The following MYO1B variants were observed in gnomAD, a reference collection of about 807,000 sequenced individuals.
MYO1B encodes myosin IB, also known as unconventional myosin-Ib.
MYO1B carries 72 observed loss-of-function variants against 159.7 expected under a neutral mutation model. The observed-to-expected ratio is 0.45, with a 90% CI of 0.37 to 0.55. The LOEUF (loss-of-function observed/expected upper bound fraction) is 0.55, where lower values mean the gene tolerates loss of function less well. MYO1B is among the 20% of genes least tolerant of loss of function. The probability of loss-of-function intolerance (pLI) is 0.00; values close to 1 mark genes in which losing one functional copy is unlikely to be tolerated. For missense variants in MYO1B, 1,062 were observed against 1,364.8 expected (o/e 0.78, Z 3.50); for synonymous variants, 468 against 473.8 (o/e 0.99, Z 0.16).
At chr2:191,347,754 A>C (rs1692661035) in intron 6 of MYO1B, among the ~76,000 whole-genome samples, 1 of 152,224 alleles carries the variant, frequency 6.6e-6, no homozygotes, top group Non-Finnish European at 1.5e-5. Flanking sequence ...TGACTTGACT[A>C]GTAATATACC....
chr2:191,338,963 C>T (rs934072103), intron 4 of MYO1B, among the ~76,000 whole-genome samples: 13 of 152,180 alleles, frequency 8.5e-5, no homozygotes, highest in Middle Eastern at 3.4e-3. Flanking sequence ...CCTAGTATTA[C>T]GATGGATAGA....
intron 23 of MYO1B, chr2:191,402,335 CAGAG>C (rs914282691): frequency 2.1e-5 from 8 of 382,718 alleles, no homozygotes; most frequent in African/African-American, 6.4e-5. Flanking sequence ...AGGCAGCGAA[CAGAG>C]AGAGAGAACA....
chr2:191,365,440 T>C (rs769910955), intron 11 of MYO1B, among the ~76,000 whole-genome samples: 7 of 152,244 alleles, frequency 4.6e-5, no homozygotes, highest in Non-Finnish European at 7.3e-5. Context: ...TTATTTTGGC[T>C]GTGGCAAATA....
chr2:191,360,127 G>A (rs1693569017), intron 7 of MYO1B, among the ~76,000 whole-genome samples: 1 of 152,178 alleles, frequency 6.6e-6, no homozygotes, highest in African/African-American at 2.4e-5. Flanking sequence ...ACTGAGTTAT[G>A]TAAACTCCTG....
At chr2:191,281,475 T>C (rs1015742902) in intron 2 of MYO1B, among the ~76,000 whole-genome samples, 1 of 152,210 alleles carries the variant, frequency 6.6e-6, no homozygotes, top group African/African-American at 2.4e-5. Flanking sequence ...GGTCAATGGC[T>C]GGGAAATGCT....
chr2:191,327,364 C>G (rs1411438421), intron 3 of MYO1B, among the ~76,000 whole-genome samples: 3 of 152,154 alleles, frequency 2.0e-5, no homozygotes, highest in Admixed American at 6.5e-5. Flanking sequence ...AAGGTGTGTA[C>G]ATAACTAATT....
intron 3 of MYO1B, among the ~76,000 whole-genome samples, chr2:191,297,064 A>G (rs1240811862): frequency 6.6e-6 from 1 of 152,158 alleles, no homozygotes; most frequent in Admixed American, 6.5e-5. Flanking sequence ...TTCTCAAAAA[A>G]CTTTTTTATT....
At chr2:191,400,637 C>T (rs994587455) in intron 22 of MYO1B, 112 bp from the exon 23 acceptor site, 12 of 1,357,506 alleles carry the variant, frequency 8.8e-6, no homozygotes, top group Middle Eastern at 1.9e-4. Context: ...CATGCTTTTG[C>T]GTTTACCATT....
At chr2:191,308,353 CT>C (rs1559157282) in intron 3 of MYO1B, among the ~76,000 whole-genome samples, 1 of 152,190 alleles carries the variant, frequency 6.6e-6, no homozygotes, top group East Asian at 1.9e-4. Flanking sequence ...TCCTGAAATA[CT>C]CGAATCCTGG....
chr2:191,376,752 C>A (rs888718369), intron 13 of MYO1B, among the ~76,000 whole-genome samples: 3 of 152,162 alleles, frequency 2.0e-5, no homozygotes, highest in African/African-American at 7.2e-5. Context: ...AGACTCCTTC[C>A]CATTTCTCTG....
intron 21 of MYO1B, among the ~76,000 whole-genome samples, chr2:191,398,425 C>CT (rs1443865932): frequency 1.9e-5 from 2 of 107,948 alleles, no homozygotes; most frequent in African/African-American, 3.1e-5. Flanking sequence ...GGGGGCTGAC[C>CT]CCCCCCCACC....
At chr2:191,259,041 G>A (rs867595380) in intron 1 of MYO1B, among the ~76,000 whole-genome samples, 6 of 152,248 alleles carry the variant, frequency 3.9e-5, no homozygotes, top group African/African-American at 1.2e-4. Context: ...ATACATAGTC[G>A]ACTTCACCTA....
intron 17 of MYO1B, among the ~76,000 whole-genome samples, chr2:191,388,495 A>T (rs1321260829): frequency 6.6e-6 from 1 of 152,156 alleles, no homozygotes; most frequent in Non-Finnish European, 1.5e-5. Context: ...GTTGTCTTTG[A>T]AAATGCAGTT....
chr2:191,356,547 A>G (rs1159739607), intron 7 of MYO1B, among the ~76,000 whole-genome samples: 1 of 152,166 alleles, frequency 6.6e-6, no homozygotes, highest in Non-Finnish European at 1.5e-5. Flanking sequence ...TCATACAAAC[A>G]TACGTTTACC....
chr2:191,309,885 G>C (rs1375603233), intron 3 of MYO1B, among the ~76,000 whole-genome samples: 1 of 152,138 alleles, frequency 6.6e-6, no homozygotes, highest in Non-Finnish European at 1.5e-5. Flanking sequence ...TCATCTCCAT[G>C]AGCACTTGCG....
chr2:191,330,231 C>G (rs375898395), intron 4 of MYO1B, among the ~76,000 whole-genome samples: 2 of 152,116 alleles, frequency 1.3e-5, no homozygotes, highest in East Asian at 3.9e-4. Context: ...GGATTCCAAC[C>G]AATATGAAGT....
At chr2:191,322,812 G>A (rs1439986499) in intron 3 of MYO1B, among the ~76,000 whole-genome samples, 1 of 152,146 alleles carries the variant, frequency 6.6e-6, no homozygotes, top group African/African-American at 2.4e-5. Flanking sequence ...AAGAGAGAGG[G>A]TTCTTGGATC....
At position 191,422,339 on chromosome 2, in the gene MYO1B, C is replaced by T. The variant is rs372061593; in HGVS notation, c.3288-1498C>T. Among the ~76,000 whole-genome samples the T allele has an allele frequency of 5.3e-5, 8 of 152,258 alleles. No individual in the cohort carries two copies. In the East Asian group the frequency reaches 1.5e-3, roughly 29 times the overall value. On this transcript the variant is annotated intron_variant, in intron 30 of 30. Coordinates refer to ENST00000392318, the MANE Select transcript of MYO1B (RefSeq NM_001130158.3). ...TCATGTCCCCCAGTGATGCTATCCT[C>T]AGTTCAGGGATCTCATCATATACAG...
chr2:191,343,260 G>T (rs1486825878), intron 5 of MYO1B, among the ~76,000 whole-genome samples: 2 of 152,020 alleles, frequency 1.3e-5, no homozygotes, highest in Non-Finnish European at 2.9e-5. Flanking sequence ...ATTCAACACG[G>T]ATTAAAGCAG....
Sources: allele counts gnomAD v4.1 joint callset (sites outside exome capture counted in the v4.1 genomes callset), GRCh38; gene constraint gnomAD v4.1.1; transcripts MANE v1.5; gene names NCBI Gene and HGNC (gene_info 2026-07-23, HGNC 2026-07-21).